Variants in PDCL3 observed in about 807,000 individuals in gnomAD.
The protein encoded by PDCL3 is phosducin like 3, also known as phosducin-like protein 3.
In PDCL3, 22 loss-of-function variants were observed where a neutral mutation model predicts 26.5. The observed-to-expected ratio is 0.83, with a 90% confidence interval of 0.59 to 1.19. The LOEUF (loss-of-function observed/expected upper bound fraction) is 1.19. PDCL3 is among the 50% of genes most tolerant of loss of function. The pLI is 0.00. For missense variants in PDCL3, 246 were observed against 294.1 expected (o/e 0.84, Z 1.20); for synonymous variants, 81 against 104.9 (o/e 0.77, Z 1.39).
chr2:100,568,470 A>G (rs1484991516), intron 2 of PDCL3, among the ~76,000 whole-genome samples: 1 of 152,128 alleles, frequency 6.6e-6, no homozygotes, highest in African/African-American at 2.4e-5. Flanking sequence ...TGTCTCTATT[A>G]ATGATACAAA....
chr2:100,576,275 A>C, intron 5 of PDCL3, 79 bp from the exon 6 acceptor site: 1 of 1,493,794 alleles, frequency 6.7e-7, no homozygotes, highest in Non-Finnish European at 9.0e-7. Context: ...ACTTAGAAAA[A>C]ACTAGGTTGA....
At chr2:100,569,531 G>A in intron 3 of PDCL3, 47 bp from the exon 4 acceptor site, 1 of 1,606,100 alleles carries the variant, frequency 6.2e-7, no homozygotes, top group Middle Eastern at 2.2e-4. Flanking sequence ...CGATGTGTGT[G>A]TACACGTGTT....
chr2:100,566,639 C>G lies in PDCL3; in HGVS notation c.133+10C>G, dbSNP rs570938771. The G allele has an allele frequency of 6.2e-6, 10 of 1,613,468 alleles. No individual in the cohort carries two copies. Among genetic ancestry groups the G allele is most frequent in the Non-Finnish European group, 8.5e-6 (10 of 1,179,722 alleles). Reference sequence around the variant, plus strand: ...CTCCAGCAGTCAGTGGGTGAGTTCACTCGCTTTCCTCTGCACCTGTCTGGG... The same window carrying G: ...CTCCAGCAGTCAGTGGGTGAGTTCAGTCGCTTTCCTCTGCACCTGTCTGGG... On this transcript the variant is annotated intron_variant, in intron 2 of 5. Coordinates refer to ENST00000264254, the MANE Select transcript of PDCL3 (RefSeq NM_024065.5).
At chr2:100,573,423 C>CAGCACTTTGGGAGGCCA (rs1675216588) in intron 5 of PDCL3, among the ~76,000 whole-genome samples, 1 of 151,932 alleles carries the variant, frequency 6.6e-6, no homozygotes, top group Admixed American at 6.6e-5. Flanking sequence ...CCTGTAATCC[C>CAGCACTTTGGGAGGCCA]AGCACTTTGG....
rs201375611 is a variant in PDCL3 at position 100,576,431 on chromosome 2, G to A, written c.655G>A (p.Val219Met). Residue 219 changes from valine (V) to methionine (M), a missense_variant, in exon 6 of 6, where the codon GTG becomes ATG. Physicochemically the swap from Val to Met is conservative, Grantham distance 21. Transcript: ENST00000264254. ...EENPKKPIEDVLLSSVRRSVL... is the reference protein window; with the variant it reads ...EENPKKPIEDMLLSSVRRSVL... ...AAACCCTAAGAAGCCGATTGAAGAC[G>A]TGTTGCTGTCCTCAGTGCGGCGCTC... 3.5e-4 allele frequency: 566 copies of A among 1,613,944 alleles called. 6 individuals are homozygous for A. In the South Asian group the frequency reaches 5.2e-3, roughly 15 times the overall value.
At chr2:100,573,558 C>G (rs2104397137) in intron 5 of PDCL3, among the ~76,000 whole-genome samples, 1 of 151,772 alleles carries the variant, frequency 6.6e-6, no homozygotes. Flanking sequence ...ACTTATAATT[C>G]CAGCTACTCG....
At chr2:100,567,624 G>A (rs1675082248) in intron 2 of PDCL3, among the ~76,000 whole-genome samples, 1 of 152,044 alleles carries the variant, frequency 6.6e-6, no homozygotes, top group Non-Finnish European at 1.5e-5. Context: ...AAGACATCTG[G>A]GTATTCCTGA....
chr2:100,568,155 C>T (rs1450134345), intron 2 of PDCL3, among the ~76,000 whole-genome samples: 13 of 152,152 alleles, frequency 8.5e-5, no homozygotes, highest in Non-Finnish European at 1.5e-5. Context: ...AGACAAATAG[C>T]CACATTAAGA....
chr2:100,572,890 T>A (rs1675207115), intron 5 of PDCL3, among the ~76,000 whole-genome samples: 1 of 151,952 alleles, frequency 6.6e-6, no homozygotes, highest in Non-Finnish European at 1.5e-5. Context: ...TTTGTTTGAT[T>A]GTTTGTTTTT....
chr2:100,573,185 G>A (rs1409361036), intron 5 of PDCL3, among the ~76,000 whole-genome samples: 1 of 151,940 alleles, frequency 6.6e-6, no homozygotes, highest in East Asian at 1.9e-4. Context: ...GCCCGGCTGT[G>A]TTTTTAAATT....
At position 100,571,559 on chromosome 2, in the gene PDCL3, A is replaced by G. The variant is rs766515881; in HGVS notation, c.369-31A>G. 5.6e-6 allele frequency: 9 copies of G among 1,597,606 alleles called. No individual in the cohort carries two copies. In the South Asian group the frequency reaches 7.7e-5, roughly 14 times the overall value. On this transcript the variant is annotated intron_variant, in intron 4 of 5. Transcript: ENST00000264254. ...TGTTCTGTATAAATGTAGGATCATA[A>G]TTGCTTCTGTTTTCTATGTGTGTTT...
chr2:100,563,163 G>A, intron 1 of PDCL3, 90 bp downstream of exon 1: 4 of 1,485,464 alleles, frequency 2.7e-6, no homozygotes, highest in Non-Finnish European at 3.6e-6. Flanking sequence ...CGCCCTGGGG[G>A]AAGCTCCGGC....
chr2:100,575,259 C>T (rs534556647), intron 5 of PDCL3, among the ~76,000 whole-genome samples: 68 of 152,298 alleles, frequency 4.5e-4, no homozygotes, highest in Non-Finnish European at 9.0e-4. Flanking sequence ...CCTCAGCCTC[C>T]CGAGTAGCTG....
chr2:100,563,206 G>C (rs1674985188), intron 1 of PDCL3, 133 bp downstream of exon 1: 2 of 1,177,180 alleles, frequency 1.7e-6, no homozygotes, highest in African/African-American at 3.2e-5. Context: ...GGCGCGTCCA[G>C]GCCCTGCGCA....
In PDCL3 at chr2:100,575,302, A is replaced by AT. The variant is rs1354751627; in HGVS notation, c.578-1046dup. ...AGGCACCTGCCACCATGCCTGGCTA[A>AT]TTTTTTGTATTTTTAGTAGAGACGG... On this transcript the variant is annotated intron_variant, in intron 5 of 5. Transcript: ENST00000264254. 1.7e-4 allele frequency among the ~76,000 whole-genome samples: 26 copies of AT among 152,048 alleles called. No homozygotes were observed. In the Middle Eastern group the frequency reaches 0.01, roughly 60 times the overall value.
Position 100,569,640 on chromosome 2 carries a change from A to C in PDCL3, c.287A>C (p.Glu96Ala). 1 of 1,614,020 alleles carries C rather than the reference A, an allele frequency of 6.2e-7. No individual in the cohort carries two copies. The highest frequency in any genetic ancestry group is 8.5e-7 in the Non-Finnish European group (1 of 1,179,966). Residue 96 changes from glutamate (E) to alanine (A), a missense_variant, in exon 4 of 6, where the codon GAG becomes GCG. Coordinates refer to ENST00000264254, the MANE Select transcript of PDCL3 (RefSeq NM_024065.5). ...AAGAATAAATTCGGAGAAGTTTTGG[A>C]GATCTCAGGGAAGGATTATGTTCAA... Reference protein sequence around the residue: ...KLKNKFGEVLEISGKDYVQEV... With the variant: ...KLKNKFGEVLAISGKDYVQEV...
chr2:100,566,717 G>GT lies in PDCL3; in HGVS notation c.133+89dup. Reference sequence around the variant, plus strand: ...CTGCCCTGCCAGGAGACAGGTTGGAGTGCCAGCATGGACACTCTGTGTCTG... The same window carrying GT: ...CTGCCCTGCCAGGAGACAGGTTGGAGTTGCCAGCATGGACACTCTGTGTCTG... On this transcript the variant is annotated intron_variant, in intron 2 of 5. Transcript: ENST00000264254. 17 of 1,563,570 alleles carry GT rather than the reference G, an allele frequency of 1.1e-5. No individual in the cohort carries two copies. The South Asian group carries it at 1.9e-4, about 18-fold the overall frequency.
intron 5 of PDCL3, among the ~76,000 whole-genome samples, chr2:100,575,925 C>T (rs1462675715): frequency 2.0e-5 from 3 of 152,068 alleles, no homozygotes; most frequent in East Asian, 1.9e-4. Context: ...GACAGGGTCT[C>T]GCTCTGTCGT....
chr2:100,569,099 A>T, intron 3 of PDCL3, 78 bp downstream of exon 3: 2 of 1,275,734 alleles, frequency 1.6e-6, no homozygotes, highest in Non-Finnish European at 2.2e-6. Context: ...GCGTGGCAAT[A>T]AAATGTGTGG....
Sources: gnomAD v4.1 joint callset for allele counts (sites outside exome capture counted in the v4.1 genomes callset) on GRCh38, gnomAD v4.1.1 for gene constraint, MANE v1.5 for transcripts, NCBI Gene and HGNC (gene_info 2026-07-23, HGNC 2026-07-21) for gene names.